DGKI: variants seen among roughly 807,000 people sequenced by gnomAD.
DGKI encodes diacylglycerol kinase iota.
Under a neutral mutation model 147.5 loss-of-function variants are expected in DGKI, and 55 were observed. That is an observed-to-expected ratio of 0.37 (90% CI 0.30 to 0.47). The LOEUF is 0.47. DGKI is among the 20% of genes least tolerant of loss of function. The pLI is 1.00. For missense variants in DGKI, 1,007 were observed against 1,323.8 expected, an observed-to-expected ratio of 0.76 and a Z score of 3.71; for synonymous variants, 469 against 477.1, an observed-to-expected ratio of 0.98 and a Z score of 0.22.
At chr7:137,605,681 T>C (rs1021790336) in intron 10 of DGKI, among the ~76,000 whole-genome samples, 9 of 152,228 alleles carry the variant, frequency 5.9e-5, no homozygotes, top group African/African-American at 1.7e-4. Flanking sequence ...CTGGAGGTCA[T>C]TATGTTAAGT....
chr7:137,438,896 C>T (rs778461520), intron 28 of DGKI, among the ~76,000 whole-genome samples: 5 of 152,120 alleles, frequency 3.3e-5, no homozygotes, highest in South Asian at 2.1e-4. Context: ...CACACATATA[C>T]ACACATATAG....
chr7:137,794,988 AAAC>A (rs1473813337), intron 1 of DGKI, among the ~76,000 whole-genome samples: 4 of 152,180 alleles, frequency 2.6e-5, no homozygotes, highest in African/African-American at 2.4e-5. Context: ...TGTACTCACA[AAAC>A]AACTTCCTAG....
At chr7:137,721,718 A>G (rs979260601) in intron 1 of DGKI, among the ~76,000 whole-genome samples, 4 of 152,178 alleles carry the variant, frequency 2.6e-5, no homozygotes, top group African/African-American at 9.7e-5. Flanking sequence ...CAAACTCAGC[A>G]CAGCCTACCA....
At chr7:137,788,708 CAT>C (rs762265183) in intron 1 of DGKI, among the ~76,000 whole-genome samples, 18 of 151,116 alleles carry the variant, frequency 1.2e-4, no homozygotes, top group Non-Finnish European at 2.5e-4. Context: ...TACACACACA[CAT>C]CTAGGCCCTA....
intron 1 of DGKI, among the ~76,000 whole-genome samples, chr7:137,714,556 A>G (rs1023291427): frequency 6.6e-6 from 1 of 152,200 alleles, no homozygotes. Context: ...GGATTGCCCA[A>G]ATCCCATGGT....
At chr7:137,799,307 C>A (rs1175685399) in intron 1 of DGKI, among the ~76,000 whole-genome samples, 1 of 151,942 alleles carries the variant, frequency 6.6e-6, no homozygotes, top group African/African-American at 2.4e-5. Flanking sequence ...CAGAATAGGC[C>A]AATATACAGA....
At chr7:137,554,919 T>C (rs1037654055) in intron 19 of DGKI, among the ~76,000 whole-genome samples, 9 of 142,098 alleles carry the variant, frequency 6.3e-5, no homozygotes, top group Non-Finnish European at 9.2e-5. Flanking sequence ...ATTTTCTTTT[T>C]TTTTTTTTTT....
rs558488893 is a variant in DGKI at position 137,799,501 on chromosome 7, A to T, written c.401+46961T>A. Among the ~76,000 whole-genome samples, 247 of 152,344 alleles carry T rather than the reference A, an allele frequency of 1.6e-3. 2 individuals carry two copies. The highest frequency in any genetic ancestry group is 5.6e-3 in the African/African-American group (232 of 41,576). ...TAAAAGGATGAATTTTATGGTATAT[A>T]AATTGTATCTCATAATGTCATTATT... On this transcript the variant is annotated intron_variant, in intron 1 of 32. Coordinates refer to ENST00000614521, the MANE Select transcript of DGKI (RefSeq NM_001321708.2).
chr7:137,706,553 AT>A (rs1441483350), intron 1 of DGKI, among the ~76,000 whole-genome samples: 31 of 143,282 alleles, frequency 2.2e-4, no homozygotes, highest in African/African-American at 7.6e-4. Context: ...TTATTTATCT[AT>A]TTTTTATTTT....
Position 137,384,424 on chromosome 7 carries a change from C to A in DGKI, c.*6796G>T, listed in dbSNP as rs1160396696. 3 of 151,376 alleles carry A rather than the reference C, an allele frequency of 2.0e-5. No homozygotes were observed. The highest frequency in any genetic ancestry group is 4.4e-5 in the Non-Finnish European group (3 of 67,818). 9.4% of individuals were successfully genotyped at this position (151,376 alleles called of 1,614,324 possible). ...CATTTTTTTTTCATGGAGGCAACTT[C>A]TATATTATGGAAATCTGAACAATTG... On this transcript the variant is annotated 3_prime_UTR_variant, in exon 33 of 33. Transcript: ENST00000614521.
At chr7:137,775,434 G>A (rs925013863) in intron 1 of DGKI, among the ~76,000 whole-genome samples, 2 of 152,196 alleles carry the variant, frequency 1.3e-5, no homozygotes. Flanking sequence ...TTGTCTACCT[G>A]AGGGTATGTG....
chr7:137,761,296 A>G (rs1795848665), intron 1 of DGKI, among the ~76,000 whole-genome samples: 1 of 152,222 alleles, frequency 6.6e-6, no homozygotes, highest in East Asian at 1.9e-4. Flanking sequence ...GGACTTCGGC[A>G]TCCTTTCATT....
chr7:137,506,884 T>G (rs1313975196), intron 21 of DGKI, among the ~76,000 whole-genome samples: 1 of 152,168 alleles, frequency 6.6e-6, no homozygotes, highest in Non-Finnish European at 1.5e-5. Context: ...ATAGGAAATA[T>G]AATATGGGAG....
intron 23 of DGKI, among the ~76,000 whole-genome samples, chr7:137,472,321 T>A (rs373916727): frequency 4.6e-3 from 17 of 3,670 alleles, no homozygotes; most frequent in Non-Finnish European, 1.0e-2. Flanking sequence ...TACATATAAT[T>A]ATTATATGTA....
chr7:137,678,118 C>A (rs531752486), intron 3 of DGKI, among the ~76,000 whole-genome samples: 71 of 152,314 alleles, frequency 4.7e-4, no homozygotes, highest in African/African-American at 1.7e-3. Flanking sequence ...CCATTCCCAG[C>A]ACAGGTGTTT....
chr7:137,481,546 G>A (rs938956712), intron 23 of DGKI, among the ~76,000 whole-genome samples: 1 of 152,110 alleles, frequency 6.6e-6, no homozygotes, highest in Non-Finnish European at 1.5e-5. Flanking sequence ...CAGAGATGGT[G>A]TAGGCAGGAA....
chr7:137,495,627 T>G (rs771331832), intron 21 of DGKI, among the ~76,000 whole-genome samples: 1 of 151,920 alleles, frequency 6.6e-6, no homozygotes, highest in Non-Finnish European at 1.5e-5. Context: ...AAGTAGGCTT[T>G]ATCCCTGCGA....
At chr7:137,760,455 T>G in intron 1 of DGKI, among the ~76,000 whole-genome samples, 1 of 152,260 alleles carries the variant, frequency 6.6e-6, no homozygotes, top group Middle Eastern at 3.4e-3. Context: ...CCCATCTTCG[T>G]CCCCTTCTTT....
At chr7:137,616,732 G>A (rs1352985303) in intron 8 of DGKI, among the ~76,000 whole-genome samples, 8 of 152,152 alleles carry the variant, frequency 5.3e-5, no homozygotes, top group Middle Eastern at 3.4e-3. Context: ...AAGTAATTTC[G>A]TAATGATACT....
Sources: gnomAD v4.1 joint callset for allele counts (sites outside exome capture counted in the v4.1 genomes callset) on GRCh38, gnomAD v4.1.1 for gene constraint, MANE v1.5 for transcripts, NCBI Gene and HGNC (gene_info 2026-07-23, HGNC 2026-07-21) for gene names.